CNTN5: variants seen among roughly 807,000 people sequenced by gnomAD.
CNTN5 encodes contactin 5.
A neutral mutation model predicts 129.1 loss-of-function variants in CNTN5; 77 were observed. The observed-to-expected ratio is 0.60, with a 90% CI of 0.50 to 0.72. The LOEUF (loss-of-function observed/expected upper bound fraction) is 0.72, where lower values mean the gene tolerates loss of function less well. CNTN5 is among the 30% of genes least tolerant of loss of function. The pLI, the probability that CNTN5 is intolerant of heterozygous loss-of-function variation, is 0.00. For synonymous variants in CNTN5, 509 were observed against 465.6 expected, an observed-to-expected ratio of 1.09 and a Z score of -1.20; for missense variants, 1,478 against 1,328.8, an observed-to-expected ratio of 1.11 and a Z score of -1.75.
At chr11:100,236,641 A>T (rs187897428) in intron 16 of CNTN5, among the ~76,000 whole-genome samples, 1 of 152,040 alleles carries the variant, frequency 6.6e-6, no homozygotes, top group Non-Finnish European at 1.5e-5. Context: ...TGTGTGTTTC[A>T]GTCTCCACTA....
intron 4 of CNTN5, among the ~76,000 whole-genome samples, chr11:99,834,697 G>T (rs1205645379): frequency 6.6e-6 from 1 of 152,180 alleles, no homozygotes; most frequent in African/African-American, 2.4e-5. Context: ...CTGCTAGATG[G>T]ATGTAAGGTA....
intron 17 of CNTN5, among the ~76,000 whole-genome samples, chr11:100,262,954 T>C (rs527593580): frequency 6.6e-4 from 101 of 152,148 alleles, no homozygotes; most frequent in Admixed American, 1.8e-3. Flanking sequence ...AAAGAAAATC[T>C]GATATAAAAT....
intron 9 of CNTN5, among the ~76,000 whole-genome samples, chr11:100,042,077 A>C (rs1164477875): frequency 1.3e-5 from 2 of 151,962 alleles, no homozygotes; most frequent in African/African-American, 4.8e-5. Context: ...AGATTCATAT[A>C]CTCTCCTCTC....
intron 3 of CNTN5, among the ~76,000 whole-genome samples, chr11:99,593,728 T>C (rs911836090): frequency 6.6e-6 from 1 of 152,234 alleles, no homozygotes; most frequent in Admixed American, 6.5e-5. Flanking sequence ...AAGCTATTCC[T>C]GTATTATTGT....
At chr11:100,013,698 C>G (rs1042184217) in intron 9 of CNTN5, among the ~76,000 whole-genome samples, 1 of 152,182 alleles carries the variant, frequency 6.6e-6, no homozygotes, top group African/African-American at 2.4e-5. Flanking sequence ...TCATCATCCA[C>G]AAATTCCCAC....
Position 99,766,329 on chromosome 11 carries a change from C to G in CNTN5, c.56-53215C>G, listed in dbSNP as rs560043550. The stretch of plus-strand genomic sequence containing the variant: ...ATATATTTTGAATGAATGAACAATT[C>G]CATTTCCATTAGTAGCCCTTTCTAC... On this transcript the variant is annotated intron_variant, in intron 3 of 24. Coordinates refer to ENST00000524871, the MANE Select transcript of CNTN5 (RefSeq NM_014361.4). Among the ~76,000 whole-genome samples the G allele has an allele frequency of 3.3e-5, 5 of 152,022 alleles. No homozygotes were observed. In the South Asian group the frequency reaches 8.3e-4, roughly 25 times the overall value.
At chr11:99,905,138 G>C (rs561045034) in intron 6 of CNTN5, among the ~76,000 whole-genome samples, 31 of 152,230 alleles carry the variant, frequency 2.0e-4, no homozygotes, top group African/African-American at 7.2e-4. Flanking sequence ...AAGCTCTTTA[G>C]TTTAATTAGA....
chr11:99,428,944 C>T (rs530276640), intron 2 of CNTN5, among the ~76,000 whole-genome samples: 1 of 151,906 alleles, frequency 6.6e-6, no homozygotes, highest in Non-Finnish European at 1.5e-5. Flanking sequence ...ATACAAAATG[C>T]CTTATTTATA....
At chr11:99,155,596 T>G (rs557387687) in intron 1 of CNTN5, among the ~76,000 whole-genome samples, 6 of 152,122 alleles carry the variant, frequency 3.9e-5, no homozygotes, top group Non-Finnish European at 7.3e-5. Context: ...TTTTTATAGT[T>G]GATATACTGT....
rs1476116489 is a variant in CNTN5 at position 99,556,211 on chromosome 11, G to C, written c.-4G>C. ...TGAGACACAGAAGATTCTAGTGACT[G>C]AGGATGGCTTCCTCTTGGAAACTAA... is the stretch of plus-strand genomic sequence containing the variant. On this transcript the variant is annotated 5_prime_UTR_variant, in exon 3 of 25. Coordinates refer to ENST00000524871, the MANE Select transcript of CNTN5 (RefSeq NM_014361.4). 1 of 1,510,720 alleles carries C rather than the reference G, an allele frequency of 6.6e-7. No homozygotes were observed. The highest frequency in any genetic ancestry group is 2.5e-5 in the East Asian group (1 of 40,154). The allele number at this position is 1,510,720 out of a possible 1,614,324, so 93.6% of individuals were successfully genotyped here.
chr11:100,292,730 C>T (rs915860648), intron 18 of CNTN5, among the ~76,000 whole-genome samples: 2 of 151,922 alleles, frequency 1.3e-5, no homozygotes, highest in African/African-American at 4.8e-5. Context: ...ATTACTTGTG[C>T]ATGTATGTAT....
chr11:99,023,477 C>G (rs2135057138), intron 1 of CNTN5, among the ~76,000 whole-genome samples: 1 of 152,058 alleles, frequency 6.6e-6, no homozygotes, highest in Middle Eastern at 3.4e-3. Flanking sequence ...CATAGGCTGG[C>G]CAAAGCATTT....
chr11:99,255,789 AACAC>A (rs1308599197), intron 1 of CNTN5, among the ~76,000 whole-genome samples: 1 of 150,690 alleles, frequency 6.6e-6, no homozygotes, highest in African/African-American at 2.4e-5. Context: ...TACATGCATA[AACAC>A]ACACACGCAC....
At position 99,582,825 on chromosome 11, in the gene CNTN5, G is replaced by A. The variant is rs192332885; in HGVS notation, c.55+26556G>A. Among the ~76,000 whole-genome samples, 555 of 152,204 alleles carry A rather than the reference G, an allele frequency of 3.6e-3. 15 individuals carry two copies. Among genetic ancestry groups the A allele is most frequent in the Admixed American group, 0.032 (496 of 15,288 alleles). On this transcript the variant is annotated intron_variant, in intron 3 of 24. Coordinates refer to ENST00000524871, the MANE Select transcript of CNTN5 (RefSeq NM_014361.4). ...TTCTGAAGCCTTCCTCTCTCAACTCGTCAAAGTCATTCCCTGTCCAGCTTT... is the reference window on the plus strand; with the variant it reads ...TTCTGAAGCCTTCCTCTCTCAACTCATCAAAGTCATTCCCTGTCCAGCTTT...
intron 2 of CNTN5, among the ~76,000 whole-genome samples, chr11:99,510,172 G>A (rs1308066703): frequency 2.0e-5 from 3 of 151,996 alleles, no homozygotes; most frequent in Non-Finnish European, 4.4e-5. Flanking sequence ...CAAGCAGAGA[G>A]TGCTTACAGA....
intron 1 of CNTN5, among the ~76,000 whole-genome samples, chr11:99,088,669 T>A (rs929732413): frequency 2.0e-5 from 3 of 152,158 alleles, no homozygotes; most frequent in Non-Finnish European, 4.4e-5. Context: ...ATGTAAGACC[T>A]GTACATTATA....
intron 1 of CNTN5, among the ~76,000 whole-genome samples, chr11:99,137,771 CT>C (rs1591259489): frequency 1.3e-5 from 2 of 152,010 alleles, no homozygotes; most frequent in South Asian, 2.1e-4. Context: ...TGTCTGTGGT[CT>C]TTTTTTCCCC....
In CNTN5 at chr11:100,336,984, C is replaced by T. The variant is rs992858122; in HGVS notation, c.2731-3479C>T. 4 of 764,270 alleles carry T rather than the reference C, an allele frequency of 5.2e-6. No individual in the cohort carries two copies. In the African/African-American group the frequency reaches 6.8e-5, roughly 13 times the overall value. 47.3% of individuals were successfully genotyped at this position (764,270 alleles called of 1,614,324 possible). A position where few individuals can be genotyped will look rare whatever the true frequency, so the allele number is the denominator to read the frequency against. On this transcript the variant is annotated intron_variant, in intron 21 of 24. Coordinates refer to ENST00000524871, the MANE Select transcript of CNTN5 (RefSeq NM_014361.4). Reference sequence around the variant, plus strand: ...AGAAAAGAAATCAAGAGCCAGAGCACAGCACATTGAACCCACACACATCTC... The same window carrying T: ...AGAAAAGAAATCAAGAGCCAGAGCATAGCACATTGAACCCACACACATCTC...
chr11:99,222,361 G>T, intron 1 of CNTN5, among the ~76,000 whole-genome samples: 1 of 151,732 alleles, frequency 6.6e-6, no homozygotes, highest in South Asian at 2.1e-4. Flanking sequence ...GGGTTGGGGG[G>T]ACAGGAAAAA....
Sources: allele counts gnomAD v4.1 joint callset (sites outside exome capture counted in the v4.1 genomes callset), GRCh38; gene constraint gnomAD v4.1.1; transcripts MANE v1.5; gene names NCBI Gene and HGNC (gene_info 2026-07-23, HGNC 2026-07-21).